Variants in GLIS1 observed in about 807,000 individuals in gnomAD.
GLIS1 encodes GLIS family zinc finger 1.
Under a neutral mutation model 63.8 loss-of-function variants are expected in GLIS1, and 24 were observed. The ratio of observed to expected loss-of-function variants is 0.38; its 90% CI spans 0.27 to 0.53. GLIS1 has a LOEUF of 0.53. Among genes scored for constraint, GLIS1 ranks in the 20% least tolerant of loss-of-function variants. GLIS1 has a pLI of 0.85. For missense variants in GLIS1, 1,036 were observed against 1,074.1 expected, an observed-to-expected ratio of 0.96 and a Z score of 0.50; for synonymous variants, 450 against 482.5, an observed-to-expected ratio of 0.93 and a Z score of 0.88.
rs1461498603 is a variant in GLIS1, at chr1:53,646,426, A to AT, written c.260-46149dup. ...TTATCTACAATAAACAGTAAAGGGA[A>AT]TTTTTTAGATATCATTTATGGTAAC... On this transcript the variant is annotated intron_variant, in intron 2 of 10. Coordinates refer to ENST00000628545, the MANE Select transcript of GLIS1 (RefSeq NM_001367484.1). This position sits in a 1 kb window ranked among gnomAD's most constrained non-coding sequence, Gnocchi z 4.2. Among the ~76,000 whole-genome samples, 1 of 152,244 alleles carries AT rather than the reference A, an allele frequency of 6.6e-6. No individual in the cohort carries two copies.
rs572271581 is a variant in GLIS1, at chr1:53,595,054, G to C, written c.438-64C>G. 6.7e-6 allele frequency: 9 copies of C among 1,351,674 alleles called. No individual in the cohort carries two copies. The East Asian group carries it at 1.4e-4, about 21-fold the overall frequency. The allele number at this position is 1,351,674 out of a possible 1,614,324, so 83.7% of individuals were successfully genotyped here. A position where few individuals can be genotyped will look rare whatever the true frequency, so the allele number is the denominator to read the frequency against. ...CTCGCCACAGAGGGAAGGCTCAGGT[G>C]GGGGCAGACAGGGAAGCTGAGGATC... On this transcript the variant is annotated intron_variant, in intron 3 of 10. Transcript: ENST00000628545.
chr1:53,632,934 G>C, intron 2 of GLIS1, among the ~76,000 whole-genome samples: 1 of 147,876 alleles, frequency 6.8e-6, no homozygotes, highest in African/African-American at 2.5e-5. Flanking sequence ...GTGTGACTGA[G>C]GGGCATGTGA....
chr1:53,557,849 T>C (rs1343439027), intron 4 of GLIS1, among the ~76,000 whole-genome samples: 2 of 152,254 alleles, frequency 1.3e-5, no homozygotes, highest in Non-Finnish European at 2.9e-5. Context: ...GATTTCTAAA[T>C]AATCCTTTAT....
At chr1:53,662,535 A>T (rs1048215329) in intron 2 of GLIS1, among the ~76,000 whole-genome samples, 2 of 152,132 alleles carry the variant, frequency 1.3e-5, no homozygotes, top group African/African-American at 2.4e-5. Flanking sequence ...AGTGGCCAAA[A>T]ATAATCAAGC....
intron 4 of GLIS1, among the ~76,000 whole-genome samples, chr1:53,591,486 T>C (rs1201118682): frequency 1.3e-5 from 2 of 152,246 alleles, no homozygotes; most frequent in East Asian, 1.9e-4. Context: ...CCCATTCCAA[T>C]GGTTACTAGC....
chr1:53,551,083 G>A (rs1644754409), intron 4 of GLIS1, among the ~76,000 whole-genome samples: 1 of 152,038 alleles, frequency 6.6e-6, no homozygotes, highest in Admixed American at 6.5e-5. Flanking sequence ...CTGACCTCAG[G>A]TAATCCGCCC....
At chr1:53,609,105 T>C (rs1645399919) in intron 2 of GLIS1, among the ~76,000 whole-genome samples, 1 of 152,144 alleles carries the variant, frequency 6.6e-6, no homozygotes. Flanking sequence ...CTGTCACAGA[T>C]GGGATTTTTA....
chr1:53,607,609 G>A (rs1645383556), intron 2 of GLIS1, among the ~76,000 whole-genome samples: 2 of 152,186 alleles, frequency 1.3e-5, no homozygotes, highest in Admixed American at 1.3e-4. Flanking sequence ...TGTGAAATGG[G>A]ACAGTCAGGA....
chr1:53,649,352 C>T (rs1282016580), intron 2 of GLIS1, among the ~76,000 whole-genome samples: 1 of 152,234 alleles, frequency 6.6e-6, no homozygotes, highest in Non-Finnish European at 1.5e-5. Context: ...GCAGCTATGT[C>T]ATAGCCACCT....
intron 8 of GLIS1, among the ~76,000 whole-genome samples, chr1:53,514,068 G>C (rs1171418989): frequency 2.6e-5 from 4 of 152,224 alleles, no homozygotes; most frequent in African/African-American, 9.6e-5. Flanking sequence ...CAATTAAGTG[G>C]CCACAATGAG....
In GLIS1 at chr1:53,511,259, A is replaced by G. The variant is rs921155941; in HGVS notation, c.1884-1232T>C. Among the ~76,000 whole-genome samples the G allele has an allele frequency of 6.6e-6, 1 of 152,198 alleles. No individual in the cohort carries two copies. The highest frequency in any genetic ancestry group is 1.5e-5 in the Non-Finnish European group (1 of 68,026). On this transcript the variant is annotated intron_variant, in intron 8 of 10. Coordinates refer to ENST00000628545, the MANE Select transcript of GLIS1 (RefSeq NM_001367484.1). The surrounding 1 kb of genome is among the most constrained non-coding windows in gnomAD (Gnocchi z 4.2). ...CACATTAAAATATACAGCGAATTCA[A>G]TGTCACAGCTCCAGGTGACCTCGTG...
At chr1:53,588,416 C>T (rs775659420) in intron 4 of GLIS1, among the ~76,000 whole-genome samples, 1 of 152,206 alleles carries the variant, frequency 6.6e-6, no homozygotes, top group Admixed American at 6.5e-5. Flanking sequence ...CCCCAACTTT[C>T]GATTATCAGC....
intron 4 of GLIS1, among the ~76,000 whole-genome samples, chr1:53,549,132 CTAAA>C (rs1247774176): frequency 6.6e-6 from 1 of 152,186 alleles, no homozygotes; most frequent in Non-Finnish European, 1.5e-5. Context: ...TTTTTGATGG[CTAAA>C]TATTTTCCAT....
intron 2 of GLIS1, among the ~76,000 whole-genome samples, chr1:53,701,343 G>C (rs1646520759): frequency 6.6e-6 from 1 of 152,144 alleles, no homozygotes; most frequent in Non-Finnish European, 1.5e-5. Context: ...TCTCATTGTG[G>C]GTTAGGCAGG....
intron 8 of GLIS1, among the ~76,000 whole-genome samples, chr1:53,512,570 C>T (rs1487238785): frequency 6.6e-6 from 1 of 152,184 alleles, no homozygotes; most frequent in Admixed American, 6.5e-5. Flanking sequence ...CCTTTCCCCA[C>T]TCTCTTCTCA....
chr1:53,679,489 A>AG (rs1349619217), intron 2 of GLIS1, among the ~76,000 whole-genome samples: 1 of 152,208 alleles, frequency 6.6e-6, no homozygotes, highest in Non-Finnish European at 1.5e-5. Context: ...GCCCAGAGTG[A>AG]GGCAGTGAAG....
intron 4 of GLIS1, among the ~76,000 whole-genome samples, chr1:53,531,638 G>T (rs1454612231): frequency 1.3e-5 from 2 of 152,206 alleles, no homozygotes; most frequent in Non-Finnish European, 1.5e-5. Flanking sequence ...TAGGTGTAGA[G>T]AGCCCATGTG....
At chr1:53,570,076 T>C (rs1316480199) in intron 4 of GLIS1, among the ~76,000 whole-genome samples, 1 of 152,082 alleles carries the variant, frequency 6.6e-6, no homozygotes, top group Non-Finnish European at 1.5e-5. Flanking sequence ...TTTCTTTCTT[T>C]CCCTCCCTCT....
At chr1:53,532,180 G>A (rs1052209971) in intron 4 of GLIS1, among the ~76,000 whole-genome samples, 3 of 152,166 alleles carry the variant, frequency 2.0e-5, no homozygotes, top group Admixed American at 6.5e-5. Context: ...GCTCAGATAT[G>A]TGCCCTAGGA....
Sources: allele counts gnomAD v4.1 joint callset (sites outside exome capture counted in the v4.1 genomes callset), GRCh38; gene constraint gnomAD v4.1.1; non-coding constraint Gnocchi (gnomAD v3.1); transcripts MANE v1.5; gene names NCBI Gene and HGNC (gene_info 2026-07-23, HGNC 2026-07-21).